Variants in TRIM33 observed in about 807,000 individuals in gnomAD.
TRIM33 encodes tripartite motif containing 33.
Under a neutral mutation model 125.4 loss-of-function variants are expected in TRIM33, and 20 were observed. That is an observed-to-expected ratio of 0.16 (90% CI 0.11 to 0.23). The LOEUF (loss-of-function observed/expected upper bound fraction) is 0.23. Among genes scored for constraint, TRIM33 ranks in the 10% least tolerant of loss-of-function variants. The pLI, the probability that TRIM33 is intolerant of heterozygous loss-of-function variation, is 1.00. For synonymous variants in TRIM33, 564 were observed against 513.9 expected, an observed-to-expected ratio of 1.10 and a Z score of -1.32; for missense variants, 920 against 1,411.4, an observed-to-expected ratio of 0.65 and a Z score of 5.58.
intron 17 of TRIM33, among the ~76,000 whole-genome samples, chr1:114,401,048 T>C (rs985669135): frequency 6.6e-6 from 1 of 151,412 alleles, no homozygotes; most frequent in African/African-American, 2.4e-5. Flanking sequence ...TTTTTCTTTT[T>C]TTTTTTGAGA....
intron 4 of TRIM33, among the ~76,000 whole-genome samples, chr1:114,438,763 C>G (rs1557865922): frequency 6.6e-6 from 1 of 152,134 alleles, no homozygotes; most frequent in Non-Finnish European, 1.5e-5. Context: ...TCAAAACACA[C>G]AAAGCAAAGC....
At position 114,424,631 on chromosome 1, in the gene TRIM33, C is replaced by T. The variant is rs1647435262; in HGVS notation, c.1820G>A (p.Gly607Asp). The T allele has an allele frequency of 6.2e-7, 1 of 1,608,406 alleles. No individual in the cohort carries two copies. The highest frequency in any genetic ancestry group is 8.5e-7 in the Non-Finnish European group (1 of 1,177,540). The change falls in exon 10 of 20, where the codon GGC (glycine) becomes GAC (aspartate). Residue 607 changes from glycine to aspartate, a missense_variant. Coordinates refer to ENST00000358465, the MANE Select transcript of TRIM33 (RefSeq NM_015906.4). ...ARIPGIPRHS[G>D]PQYSMMQPHL... Reference sequence around the variant, plus strand: ...TGGCTGCATCATGGAATATTGAGGGCCGCTGTGCCTGGGTATCCCTGGTAT... The same window carrying T: ...TGGCTGCATCATGGAATATTGAGGGTCGCTGTGCCTGGGTATCCCTGGTAT...
chr1:114,480,918 G>A (rs1651288956), intron 1 of TRIM33, among the ~76,000 whole-genome samples: 1 of 152,134 alleles, frequency 6.6e-6, no homozygotes, highest in Non-Finnish European at 1.5e-5. Flanking sequence ...TAAGACAGCT[G>A]GAGTAGTCAC....
intron 4 of TRIM33, among the ~76,000 whole-genome samples, chr1:114,448,085 C>T (rs1649096325): frequency 6.6e-6 from 1 of 152,042 alleles, no homozygotes; most frequent in Non-Finnish European, 1.5e-5. Flanking sequence ...CAGCAGCATA[C>T]TGAAATATAG....
At chr1:114,435,330 T>C (rs1321053676) in intron 4 of TRIM33, among the ~76,000 whole-genome samples, 1 of 152,208 alleles carries the variant, frequency 6.6e-6, no homozygotes, top group Non-Finnish European at 1.5e-5. Context: ...AGGTTATGTG[T>C]CAGTTATGGC....
At chr1:114,490,069 A>T (rs1191706069) in intron 1 of TRIM33, among the ~76,000 whole-genome samples, 1 of 138,074 alleles carries the variant, frequency 7.2e-6, no homozygotes, top group Admixed American at 7.9e-5. Context: ...TGGGCAACAG[A>T]GCGAGACTCC....
intron 1 of TRIM33, among the ~76,000 whole-genome samples, chr1:114,467,320 A>G (rs1321159968): frequency 1.3e-5 from 2 of 152,198 alleles, no homozygotes; most frequent in Non-Finnish European, 2.9e-5. Flanking sequence ...TGGGTAATGC[A>G]TAGATAATTA....
chr1:114,403,815 C>A (rs945741875), intron 15 of TRIM33, among the ~76,000 whole-genome samples: 1 of 152,084 alleles, frequency 6.6e-6, no homozygotes, highest in Non-Finnish European at 1.5e-5. Context: ...CACCCGCCAC[C>A]ATGCCTGGCC....
At position 114,460,573 on chromosome 1, in the gene TRIM33, C is replaced by CT. The variant is rs35612978; in HGVS notation, c.923+2530dup. Among the ~76,000 whole-genome samples, 211 of 64,474 alleles carry CT rather than the reference C, an allele frequency of 3.3e-3. 9 individuals are homozygous for CT. The highest frequency in any genetic ancestry group is 4.8e-3 in the African/African-American group (76 of 15,870). The allele number at this position is 64,474 out of a possible 152,430, so 42.3% of individuals were successfully genotyped here. ...CCCTGTGTTTAACACCCCCCGCCAC[C>CT]TTTTTTTTTTTTTTTTTTTTTTTTT... On this transcript the variant is annotated intron_variant, in intron 4 of 19. Transcript: ENST00000358465.
intron 4 of TRIM33, among the ~76,000 whole-genome samples, chr1:114,438,328 T>C (rs1170451500): frequency 6.6e-6 from 1 of 152,220 alleles, no homozygotes; most frequent in Non-Finnish European, 1.5e-5. Context: ...TCTTCAGTTA[T>C]TCCATTTTTT....
chr1:114,491,321 T>G (rs1432604558), intron 1 of TRIM33, among the ~76,000 whole-genome samples: 1 of 152,092 alleles, frequency 6.6e-6, no homozygotes, highest in Non-Finnish European at 1.5e-5. Context: ...CTAGGGTCGA[T>G]TCTCATCATT....
Position 114,401,556 on chromosome 1 carries a change from TACA to T in TRIM33, c.2893-96_2893-94del, listed in dbSNP as rs987016382. 9 of 1,004,750 alleles carry T rather than the reference TACA, an allele frequency of 9.0e-6. No individual in the cohort carries two copies. The Admixed American group carries it at 1.8e-4, about 20-fold the overall frequency. The allele number at this position is 1,004,750 out of a possible 1,614,324, so 62.2% of individuals were successfully genotyped here. On this transcript the variant is annotated intron_variant, in intron 16 of 19. Coordinates refer to ENST00000358465, the MANE Select transcript of TRIM33 (RefSeq NM_015906.4). ...GAACTATATCACAACAAAGTTTGAT[TACA>T]ACAAACTGAACACAAGCCCCCTGTT...
intron 1 of TRIM33, among the ~76,000 whole-genome samples, chr1:114,506,998 AT>A (rs1379275131): frequency 6.6e-6 from 1 of 152,238 alleles, no homozygotes; most frequent in Non-Finnish European, 1.5e-5. Flanking sequence ...AGTGATTCTT[AT>A]TTACACAAAA....
chr1:114,424,164 A>G (rs1557856688), intron 10 of TRIM33, among the ~76,000 whole-genome samples: 3 of 152,112 alleles, frequency 2.0e-5, no homozygotes, highest in Non-Finnish European at 4.4e-5. Flanking sequence ...AAATAATAAT[A>G]ATAATACATA....
At position 114,397,770 on chromosome 1, in the gene TRIM33, G is replaced by A; in HGVS notation, c.3262C>T (p.Pro1088Ser). ...TEIYSDRTFA[P>S]LPEFEQEEDD... ...TCTTCCTGCTCAAACTCTGGCAAAG[G>A]TGCGAAGGTCCTGTCTGAGTAGATC... The change falls in exon 20 of 20, where the codon CCT (proline) becomes TCT (serine). Residue 1088 changes from proline (P) to serine (S), a missense_variant. Coordinates refer to ENST00000358465, the MANE Select transcript of TRIM33 (RefSeq NM_015906.4). The A allele has an allele frequency of 6.2e-7, 1 of 1,613,700 alleles. No individual in the cohort carries two copies. Among genetic ancestry groups the A allele is most frequent in the Non-Finnish European group, 8.5e-7 (1 of 1,179,884 alleles).
intron 15 of TRIM33, among the ~76,000 whole-genome samples, chr1:114,404,060 T>C (rs1652075511): frequency 6.6e-6 from 1 of 152,240 alleles, no homozygotes; most frequent in Non-Finnish European, 1.5e-5. Flanking sequence ...CCTCTCTCTA[T>C]ATAAACAGAT....
chr1:114,461,561 ATT>A (rs1332586476), intron 4 of TRIM33, among the ~76,000 whole-genome samples: 1 of 151,702 alleles, frequency 6.6e-6, no homozygotes, highest in East Asian at 1.9e-4. Context: ...GAAAAAAAAC[ATT>A]TTTTTTAAAT....
chr1:114,484,952 T>C (rs1284259047), intron 1 of TRIM33, among the ~76,000 whole-genome samples: 2 of 151,866 alleles, frequency 1.3e-5, no homozygotes, highest in African/African-American at 4.8e-5. Flanking sequence ...CTCGGGAGGC[T>C]GAGACACGAA....
intron 1 of TRIM33, among the ~76,000 whole-genome samples, chr1:114,465,450 T>C (rs1036648293): frequency 2.0e-5 from 3 of 152,168 alleles, no homozygotes; most frequent in African/African-American, 7.2e-5. Context: ...ATGAGTTGTG[T>C]AGTACACAAA....
Sources: allele counts gnomAD v4.1 joint callset (sites outside exome capture counted in the v4.1 genomes callset), GRCh38; gene constraint gnomAD v4.1.1; transcripts MANE v1.5; gene names NCBI Gene and HGNC (gene_info 2026-07-23, HGNC 2026-07-21).